COL19A1: variants seen among roughly 807,000 people sequenced by gnomAD.
COL19A1 encodes the protein collagen type XIX alpha 1 chain, also known as collagen alpha-1(XIX) chain.
COL19A1 carries 159 observed loss-of-function variants against 190.2 expected under a neutral mutation model. The ratio of observed to expected loss-of-function variants is 0.84; its 90% CI spans 0.73 to 0.95. COL19A1 has a LOEUF of 0.95. Among genes scored for constraint, COL19A1 ranks in the 40% least tolerant of loss-of-function variants. The probability of loss-of-function intolerance (pLI) is 0.00; values close to 1 mark genes in which losing one functional copy is unlikely to be tolerated. For missense variants in COL19A1, 1,418 were observed against 1,431.9 expected, an observed-to-expected ratio of 0.99 and a Z score of 0.16; for synonymous variants, 509 against 458.9, an observed-to-expected ratio of 1.11 and a Z score of -1.39.
chr6:69,881,116 C>T (rs759459341), intron 2 of COL19A1, among the ~76,000 whole-genome samples: 3 of 152,120 alleles, frequency 2.0e-5, no homozygotes, highest in Non-Finnish European at 4.4e-5. Context: ...GACCTCCTAT[C>T]GCATATTCCC....
intron 16 of COL19A1, among the ~76,000 whole-genome samples, chr6:70,116,146 T>A (rs1049394901): frequency 6.6e-6 from 1 of 152,196 alleles, no homozygotes; most frequent in Admixed American, 6.6e-5. Context: ...TGAGCTCTTT[T>A]CTACTTAACT....
At chr6:70,027,416 T>G (rs1413147285) in intron 12 of COL19A1, among the ~76,000 whole-genome samples, 1 of 152,206 alleles carries the variant, frequency 6.6e-6, no homozygotes, top group Non-Finnish European at 1.5e-5. Context: ...GGCAAGACAG[T>G]TCTTTTTCAA....
At chr6:70,083,864 T>C (rs1782425427) in intron 15 of COL19A1, among the ~76,000 whole-genome samples, 1 of 152,184 alleles carries the variant, frequency 6.6e-6, no homozygotes. Flanking sequence ...CTAGTTCTGC[T>C]GGAGTCCATA....
intron 18 of COL19A1, among the ~76,000 whole-genome samples, chr6:70,133,794 C>A (rs1466657421): frequency 6.6e-6 from 1 of 152,106 alleles, no homozygotes; most frequent in African/African-American, 2.4e-5. Flanking sequence ...AAAATACAAA[C>A]CCATATGTGT....
At chr6:70,139,476 A>C (rs898400812) in intron 19 of COL19A1, among the ~76,000 whole-genome samples, 2 of 151,968 alleles carry the variant, frequency 1.3e-5, no homozygotes, top group African/African-American at 4.8e-5. Flanking sequence ...TTCATCCCTT[A>C]ATTATCCCAC....
intron 25 of COL19A1, among the ~76,000 whole-genome samples, chr6:70,145,983 A>C (rs1043953468): frequency 6.6e-6 from 1 of 152,094 alleles, no homozygotes; most frequent in African/African-American, 2.4e-5. Context: ...GGCCTCCCAA[A>C]GTGCTGGGAT....
intron 14 of COL19A1, among the ~76,000 whole-genome samples, chr6:70,054,147 C>T (rs1315347601): frequency 6.6e-6 from 1 of 152,112 alleles, no homozygotes; most frequent in Non-Finnish European, 1.5e-5. Flanking sequence ...ATCAGGAGTT[C>T]GAGACCAGCC....
At chr6:70,179,467 G>A (rs1217945561) in intron 42 of COL19A1, among the ~76,000 whole-genome samples, 2 of 152,190 alleles carry the variant, frequency 1.3e-5, no homozygotes, top group Non-Finnish European at 2.9e-5. Context: ...GCTGTGGTCT[G>A]TCTGCTCCAG....
At chr6:70,025,180 G>A (rs1043223282) in intron 12 of COL19A1, among the ~76,000 whole-genome samples, 8 of 151,988 alleles carry the variant, frequency 5.3e-5, no homozygotes, top group East Asian at 3.9e-4. Flanking sequence ...ACAGGTGCCC[G>A]CCACTAGGCC....
In COL19A1 at chr6:69,898,930, T is replaced by C; in HGVS notation, c.92-18T>C. ...ATACATAATGCAAATCCTCTATGCT[T>C]TTTTTCTTTTTAAATAGAAGAGTCA... On this transcript the variant is annotated intron_variant, in intron 2 of 50. Transcript: ENST00000620364. The C allele has an allele frequency of 6.5e-7, 1 of 1,530,856 alleles. No homozygotes were observed. Among genetic ancestry groups the C allele is most frequent in the Non-Finnish European group, 9.0e-7 (1 of 1,109,838 alleles). The allele number at this position is 1,530,856 out of a possible 1,614,324, so 94.8% of individuals were successfully genotyped here.
chr6:70,070,614 A>G (rs1036654866), intron 15 of COL19A1, among the ~76,000 whole-genome samples: 31 of 152,148 alleles, frequency 2.0e-4, no homozygotes, highest in African/African-American at 7.2e-4. Context: ...ATTCTACTTT[A>G]TAAGCTACTT....
rs80287040 is a variant in COL19A1, at chr6:70,103,006, A to T, written c.1278+784A>T. 9.7e-4 allele frequency among the ~76,000 whole-genome samples: 148 copies of T among 152,164 alleles called. 5 individuals are homozygous for T. The East Asian group carries it at 0.023, about 24-fold the overall frequency. On this transcript the variant is annotated intron_variant, in intron 16 of 50. Coordinates refer to ENST00000620364, the MANE Select transcript of COL19A1 (RefSeq NM_001858.6). ...GGGCCATCTTTTTGTCTCCATTAAC[A>T]GCTTTTCTTCTACCCCCTACATGTT...
chr6:70,051,647 T>C lies in COL19A1; in HGVS notation c.1170+15708T>C, dbSNP rs529677951. Among the ~76,000 whole-genome samples, 15 of 152,200 alleles carry C rather than the reference T, an allele frequency of 9.9e-5. No individual in the cohort carries two copies. The South Asian group carries it at 1.5e-3, about 15-fold the overall frequency. ...TGCGGCATAAACATCCTTTAAAAGA[T>C]AGCCCAGAACAAAAGGGTGGTTAGT... On this transcript the variant is annotated intron_variant, in intron 14 of 50. Coordinates refer to ENST00000620364, the MANE Select transcript of COL19A1 (RefSeq NM_001858.6).
chr6:70,034,706 T>C (rs530987376), intron 13 of COL19A1, among the ~76,000 whole-genome samples: 18 of 152,294 alleles, frequency 1.2e-4, no homozygotes, highest in Admixed American at 9.2e-4. Flanking sequence ...TTTCTGCCAC[T>C]TTTTCTCATA....
chr6:70,180,820 G>T (rs890497905), intron 44 of COL19A1, among the ~76,000 whole-genome samples: 1 of 152,128 alleles, frequency 6.6e-6, no homozygotes, highest in Non-Finnish European at 1.5e-5. Context: ...AAATATAATG[G>T]CCTGTCATGT....
chr6:69,931,885 A>T (rs1238232851), intron 6 of COL19A1, among the ~76,000 whole-genome samples: 2 of 151,982 alleles, frequency 1.3e-5, no homozygotes, highest in Admixed American at 1.3e-4. Context: ...TGGAGTAGAG[A>T]TTCACCTCTA....
rs765120677 is a variant in COL19A1, at chr6:70,190,384, T to G, written c.3094+3T>G. 1 of 1,581,010 alleles carries G rather than the reference T, an allele frequency of 6.3e-7. No homozygotes were observed. The highest frequency in any genetic ancestry group is 1.7e-5 in the Admixed American group (1 of 59,010). On this transcript the variant is annotated splice_donor_region_variant and intron_variant, in intron 48 of 50. Transcript: ENST00000620364. ...AGAGGTCCTAAGGATTTTTGAAGGT[T>G]AGATTTTCTTAATAACATTTTCGAA...
intron 11 of COL19A1, among the ~76,000 whole-genome samples, chr6:69,965,385 T>C (rs1045505148): frequency 6.6e-6 from 1 of 152,204 alleles, no homozygotes; most frequent in Non-Finnish European, 1.5e-5. Flanking sequence ...ATTTCTATAA[T>C]GCAGTGGAAA....
Position 70,151,396 on chromosome 6 carries a change from G to T in COL19A1, c.2038-1G>T, listed in dbSNP as rs1787047403. On this transcript the variant is annotated splice_acceptor_variant, in intron 30 of 50. Transcript: ENST00000620364. LOFTEE classifies it high-confidence loss of function. Reference sequence around the variant, plus strand: ...ATTTGGTTTTATCTTCTTAACCACAGATTGCACTTCCTCTCTTGGGAGACA... The same window carrying T: ...ATTTGGTTTTATCTTCTTAACCACATATTGCACTTCCTCTCTTGGGAGACA... The T allele has an allele frequency of 1.2e-6, 2 of 1,612,496 alleles. No homozygotes were observed. The highest frequency in any genetic ancestry group is 2.7e-5 in the African/African-American group (2 of 74,824).
Sources: allele counts gnomAD v4.1 joint callset (sites outside exome capture counted in the v4.1 genomes callset), GRCh38; gene constraint gnomAD v4.1.1; transcripts MANE v1.5; gene names NCBI Gene and HGNC (gene_info 2026-07-23, HGNC 2026-07-21).